MEIS1: variants seen among roughly 807,000 people sequenced by gnomAD.
The protein encoded by MEIS1 is homeobox protein Meis1.
In MEIS1, 5 loss-of-function variants were observed where a neutral mutation model predicts 50.8. That is an observed-to-expected ratio of 0.10 (90% CI 0.05 to 0.21). The LOEUF is 0.21. MEIS1 is among the 10% of genes least tolerant of loss of function. The pLI, the probability that MEIS1 is intolerant of heterozygous loss-of-function variation, is 1.00. For missense variants in MEIS1, 318 were observed against 517.3 expected (o/e 0.61, Z 3.74); for synonymous variants, 176 against 179.3 (o/e 0.98, Z 0.15).
chr2:66,500,043 C>G (rs957303851), intron 7 of MEIS1, among the ~76,000 whole-genome samples: 3 of 152,100 alleles, frequency 2.0e-5, no homozygotes, highest in Non-Finnish European at 1.5e-5. Context: ...TCATCTTATA[C>G]TTTTACAAAG....
intron 9 of MEIS1, among the ~76,000 whole-genome samples, chr2:66,553,673 A>G (rs1327442011): frequency 6.6e-6 from 1 of 152,240 alleles, no homozygotes; most frequent in Admixed American, 6.5e-5. Context: ...TAAGAGTTCA[A>G]CAGAGACACT....
intron 1 of MEIS1, among the ~76,000 whole-genome samples, chr2:66,436,094 C>T (rs1027656207): frequency 5.9e-5 from 9 of 151,886 alleles, no homozygotes; most frequent in South Asian, 4.1e-4. Flanking sequence ...TCCTAACCAG[C>T]AGCTATATAA....
chr2:66,524,538 G>A (rs1203896402), intron 8 of MEIS1, among the ~76,000 whole-genome samples: 1 of 151,860 alleles, frequency 6.6e-6, no homozygotes, highest in Non-Finnish European at 1.5e-5. Flanking sequence ...CAGCCTGGGC[G>A]ACAGAGTGGG....
At chr2:66,554,193 T>C (rs573085398) in intron 9 of MEIS1, among the ~76,000 whole-genome samples, 3 of 152,322 alleles carry the variant, frequency 2.0e-5, no homozygotes, top group Admixed American at 6.5e-5. Flanking sequence ...GACCCAATGT[T>C]TCTGAATATC....
intron 7 of MEIS1, among the ~76,000 whole-genome samples, chr2:66,507,165 T>G (rs893596493): frequency 3.8e-4 from 58 of 152,250 alleles, no homozygotes; most frequent in Non-Finnish European, 1.5e-5. Flanking sequence ...AGCATACTTT[T>G]GAATGGACCA....
rs1345564177 is a variant in MEIS1 at position 66,441,559 on chromosome 2, C to T, written c.483+95C>T. 10 of 988,074 alleles carry T rather than the reference C, an allele frequency of 1.0e-5. No homozygotes were observed. The African/African-American group carries it at 1.6e-4, about 15-fold the overall frequency. The allele number at this position is 988,074 out of a possible 1,614,324, so 61.2% of individuals were successfully genotyped here. A position where few individuals can be genotyped will look rare whatever the true frequency, so the allele number is the denominator to read the frequency against. ...ATGGCTGAAGTTCAGCCTTCTGATA[C>T]ATTTGCATAAATGTCTTTCTTTCTG... is the stretch of plus-strand genomic sequence containing the variant. On this transcript the variant is annotated intron_variant, in intron 5 of 12. Transcript: ENST00000272369.
At chr2:66,497,060 G>A (rs1282569062) in intron 7 of MEIS1, among the ~76,000 whole-genome samples, 1 of 152,160 alleles carries the variant, frequency 6.6e-6, no homozygotes, top group African/African-American at 2.4e-5. Flanking sequence ...ATTCAGGGAA[G>A]GTTTATGAAC....
chr2:66,479,465 G>A (rs1042901258), intron 7 of MEIS1, among the ~76,000 whole-genome samples: 18 of 152,152 alleles, frequency 1.2e-4, no homozygotes, highest in African/African-American at 4.1e-4. Flanking sequence ...TTTGTGAATG[G>A]TGTAGTTAGT....
intron 7 of MEIS1, among the ~76,000 whole-genome samples, chr2:66,501,567 CCT>C (rs1223825621): frequency 6.6e-6 from 1 of 151,152 alleles, no homozygotes; most frequent in Non-Finnish European, 1.5e-5. Flanking sequence ...CTGTTGTTCC[CCT>C]GAGGGGAATT....
chr2:66,503,176 A>T (rs1309252618), intron 7 of MEIS1, among the ~76,000 whole-genome samples: 1 of 152,196 alleles, frequency 6.6e-6, no homozygotes, highest in Non-Finnish European at 1.5e-5. Flanking sequence ...TTTACATCAT[A>T]TTAGGGCACG....
At chr2:66,488,961 C>A (rs1673205427) in intron 7 of MEIS1, among the ~76,000 whole-genome samples, 1 of 152,166 alleles carries the variant, frequency 6.6e-6, no homozygotes, top group African/African-American at 2.4e-5. Context: ...CTTATGTTTT[C>A]TAAGTTAATT....
intron 7 of MEIS1, among the ~76,000 whole-genome samples, chr2:66,471,690 G>A (rs545853914): frequency 9.2e-5 from 14 of 152,284 alleles, no homozygotes; most frequent in Admixed American, 5.2e-4. Flanking sequence ...TGCAGCCAGA[G>A]GCATGAAAAC....
chr2:66,523,974 G>C (rs534520377), intron 8 of MEIS1, among the ~76,000 whole-genome samples: 2 of 152,154 alleles, frequency 1.3e-5, no homozygotes, highest in Non-Finnish European at 2.9e-5. Flanking sequence ...ATGTTGATTT[G>C]TTGACTACCA....
In MEIS1 at chr2:66,539,540, G is replaced by A. The variant is rs554598659; in HGVS notation, c.889-8403G>A. On this transcript the variant is annotated intron_variant, in intron 8 of 12. Transcript: ENST00000272369. ...ATTCCAGCTCTACTACTTACCAGCT[G>A]TGTGAACTTGAGAACTTCCTTTGTC... is the stretch of plus-strand genomic sequence containing the variant. Among the ~76,000 whole-genome samples, 3 of 152,252 alleles carry A rather than the reference G, an allele frequency of 2.0e-5. No individual in the cohort carries two copies. In the South Asian group the frequency reaches 6.2e-4, roughly 32 times the overall value.
intron 9 of MEIS1, among the ~76,000 whole-genome samples, chr2:66,553,242 A>G (rs3755517): frequency 0.1 from 15,599 of 152,138 alleles, 903 homozygotes; most frequent in African/African-American, 0.15. Flanking sequence ...TGTAACCTAC[A>G]TTTAAAGTAG....
chr2:66,547,742 G>A (rs1199967708), intron 8 of MEIS1, among the ~76,000 whole-genome samples: 1 of 152,152 alleles, frequency 6.6e-6, no homozygotes, highest in Non-Finnish European at 1.5e-5. Flanking sequence ...AGTATCCTAA[G>A]TAGCTATTTA....
At chr2:66,499,011 T>A (rs997957966) in intron 7 of MEIS1, among the ~76,000 whole-genome samples, 10 of 152,326 alleles carry the variant, frequency 6.6e-5, no homozygotes, top group African/African-American at 1.9e-4. Flanking sequence ...TGAAGTACGA[T>A]TATTTTCAAA....
At chr2:66,483,964 G>A (rs1360081038) in intron 7 of MEIS1, among the ~76,000 whole-genome samples, 1 of 152,162 alleles carries the variant, frequency 6.6e-6, no homozygotes, top group Non-Finnish European at 1.5e-5. Context: ...AAGCTATTGG[G>A]TAGTCTGGCC....
intron 8 of MEIS1, among the ~76,000 whole-genome samples, chr2:66,525,225 AC>A (rs1181788027): frequency 6.6e-6 from 1 of 151,936 alleles, no homozygotes; most frequent in Non-Finnish European, 1.5e-5. Context: ...AAACAAACAA[AC>A]AAAAAACAAC....
Sources: gnomAD v4.1 joint callset for allele counts (sites outside exome capture counted in the v4.1 genomes callset) on GRCh38, gnomAD v4.1.1 for gene constraint, MANE v1.5 for transcripts, NCBI Gene and HGNC (gene_info 2026-07-23, HGNC 2026-07-21) for gene names.